Variants in E2F2 observed in about 807,000 individuals in gnomAD.
E2F2 encodes E2F transcription factor 2.
In E2F2, 22 loss-of-function variants were observed where a neutral mutation model predicts 42.2. The observed-to-expected ratio is 0.52, with a 90% CI of 0.37 to 0.74. The LOEUF (loss-of-function observed/expected upper bound fraction) is 0.74. Among genes scored for constraint, E2F2 ranks in the 30% least tolerant of loss-of-function variants. The pLI is 0.00. For synonymous variants in E2F2, 248 were observed against 251.6 expected, an observed-to-expected ratio of 0.99 and a Z score of 0.13; for missense variants, 481 against 557.8, an observed-to-expected ratio of 0.86 and a Z score of 1.39.
chr1:23,518,535 C>T (rs1643072085), intron 5 of E2F2, among the ~76,000 whole-genome samples: 1 of 151,968 alleles, frequency 6.6e-6, no homozygotes. Flanking sequence ...TAGGAATGAG[C>T]TTAGTGCAAT....
chr1:23,522,033 T>C lies in E2F2; in HGVS notation c.382A>G (p.Thr128Ala). 1 of 1,613,896 alleles carries C rather than the reference T, an allele frequency of 6.2e-7. No homozygotes were observed. Among genetic ancestry groups the C allele is most frequent in the Non-Finnish European group, 8.5e-7 (1 of 1,179,978 alleles). ...AGCCCCAGCGAAGTGTCATACCGAG[T>C]CTTCTCCCCGGGGGATTTGGGGGCT... ...PKTPKSPGEK[T>A]RYDTSLGLLT... is the part of the protein sequence containing the mutation. Residue 128 changes from threonine to alanine, a missense_variant, in exon 3 of 7, where the codon ACT becomes GCT. Transcript: ENST00000361729.
In E2F2 at chr1:23,520,896, C is replaced by G. The variant is rs773441665; in HGVS notation, c.737+17G>C. Reference sequence around the variant, plus strand: ...GGTTCCTGCTCCCTGACACCTTCCCCCAACCAAGGAGGATATCTCTTGTTG... The same window carrying G: ...GGTTCCTGCTCCCTGACACCTTCCCGCAACCAAGGAGGATATCTCTTGTTG... On this transcript the variant is annotated intron_variant, in intron 4 of 6. Transcript: ENST00000361729. 6.5e-7 allele frequency: 1 copy of G among 1,543,262 alleles called. No individual in the cohort carries two copies. The highest frequency in any genetic ancestry group is 1.2e-5 in the South Asian group (1 of 81,504).
At chr1:23,524,094 ACAACAACAAC>A (rs1643203994) in intron 2 of E2F2, among the ~76,000 whole-genome samples, 4 of 138,270 alleles carry the variant, frequency 2.9e-5, no homozygotes, top group African/African-American at 1.2e-4. Flanking sequence ...AACAACAACA[ACAACAACAAC>A]AAAAAAAAAC....
intron 2 of E2F2, among the ~76,000 whole-genome samples, chr1:23,524,095 C>CAAA (rs1424181672): frequency 1.1e-4 from 13 of 116,632 alleles, no homozygotes; most frequent in African/African-American, 4.8e-4. Flanking sequence ...ACAACAACAA[C>CAAA]AACAACAACA....
chr1:23,530,908 C>T lies in E2F2; in HGVS notation c.-115G>A, dbSNP rs551137897. 5.7e-4 allele frequency: 732 copies of T among 1,295,036 alleles called. No individual in the cohort carries two copies. Among genetic ancestry groups the T allele is most frequent in the Non-Finnish European group, 7.1e-4 (702 of 987,400 alleles). The allele number at this position is 1,295,036 out of a possible 1,614,324, so 80.2% of individuals were successfully genotyped here. A position where few individuals can be genotyped will look rare whatever the true frequency, so the allele number is the denominator to read the frequency against. On this transcript the variant is annotated 5_prime_UTR_variant, in exon 1 of 7. Transcript: ENST00000361729. The surrounding 1 kb of genome is among the most constrained non-coding windows in gnomAD (Gnocchi z 4.4). The stretch of plus-strand genomic sequence containing the variant: ...GCATGGCGCGGAGGCCGGGGGAAGC[C>T]GCCAATGGACGCCTGCGGGGCAAGG...
At position 23,530,653 on chromosome 1, in the gene E2F2, C is replaced by A. The variant is rs149841334; in HGVS notation, c.141G>T (p.Pro47=). 2.5e-6 allele frequency: 4 copies of A among 1,613,304 alleles called. No individual in the cohort carries two copies. In the Admixed American group the frequency reaches 5.0e-5, roughly 20 times the overall value. The change falls in exon 1 of 7, where the codon CCG becomes CCT. Residue 47 remains proline (P), a synonymous_variant. Coordinates refer to ENST00000361729, the MANE Select transcript of E2F2 (RefSeq NM_004091.4). This position sits in a 1 kb window ranked among gnomAD's most constrained non-coding sequence, Gnocchi z 4.4. ...CGGGAGGCGCCGTCTGCGGGTACAG[C>A]GGTGTGTAGTAGGTAGCAGTAGCTG... is the stretch of plus-strand genomic sequence containing the variant. ...LCPATATYYT[P]LYPQTAPPAA...
At chr1:23,516,180 A>G (rs1010109657) in intron 6 of E2F2, among the ~76,000 whole-genome samples, 155 bp downstream of exon 6, 1 of 152,192 alleles carries the variant, frequency 6.6e-6, no homozygotes, top group Non-Finnish European at 1.5e-5. Context: ...GTGAGGCTTT[A>G]TAAAGCATTA....
At chr1:23,521,789 C>G in intron 3 of E2F2, 48 bp downstream of exon 3, 2 of 1,604,688 alleles carry the variant, frequency 1.2e-6, no homozygotes, top group Non-Finnish European at 1.7e-6. Flanking sequence ...GCTCCGCCCA[C>G]AGCACAAGTA....
chr1:23,510,010 G>T lies in E2F2; in HGVS notation c.1184C>A (p.Ala395Glu). Residue 395 changes from alanine (A) to glutamate (E), a missense_variant, in exon 7 of 7, where the codon GCG becomes GAG. By Grantham distance (107) the Ala-to-Glu change is moderately radical (BLOSUM62 -1). Transcript: ENST00000361729. ...GAAGCTGATCAGAGGGGAGCTGCAC[G>T]CCAGGGTCGGGGACAGGAACTGGTC... ...TEDQFLSPTL[A>E]CSSPLISFSP... The T allele has an allele frequency of 6.2e-7, 1 of 1,613,708 alleles. No homozygotes were observed. Among genetic ancestry groups the T allele is most frequent in the Non-Finnish European group, 8.5e-7 (1 of 1,179,916 alleles).
At chr1:23,512,554 T>C (rs999117385) in intron 6 of E2F2, among the ~76,000 whole-genome samples, 19 of 152,268 alleles carry the variant, frequency 1.2e-4, no homozygotes, top group Middle Eastern at 3.4e-3. Context: ...CTCTAGCGCC[T>C]CCTCTCACCA....
chr1:23,530,521 G>A lies in E2F2; in HGVS notation c.252+21C>T, dbSNP rs1643320394. The A allele has an allele frequency of 6.2e-7, 1 of 1,610,118 alleles. No homozygotes were observed. Among genetic ancestry groups the A allele is most frequent in the Non-Finnish European group, 8.5e-7 (1 of 1,178,460 alleles). On this transcript the variant is annotated intron_variant, in intron 1 of 6. Coordinates refer to ENST00000361729, the MANE Select transcript of E2F2 (RefSeq NM_004091.4). This position sits in a 1 kb window ranked among gnomAD's most constrained non-coding sequence, Gnocchi z 4.4. The stretch of plus-strand genomic sequence containing the variant: ...CACCTGGAAAAGCATAGGGGGAAGC[G>A]GTGGGGGCCCCCAGCATTACCGGCA...
In E2F2 at chr1:23,529,274, C is replaced by G. The variant is rs140700759; in HGVS notation, c.252+1268G>C. Reference sequence around the variant, plus strand: ...TCCCAGTTATCCTCGGTTGCTTAACCTGTAAAATGGGGATAATACCATTCC... The same window carrying G: ...TCCCAGTTATCCTCGGTTGCTTAACGTGTAAAATGGGGATAATACCATTCC... On this transcript the variant is annotated intron_variant, in intron 1 of 6. Transcript: ENST00000361729. Among the ~76,000 whole-genome samples, 825 of 152,330 alleles carry G rather than the reference C, an allele frequency of 5.4e-3. 8 individuals are homozygous for G. Among genetic ancestry groups the G allele is most frequent in the African/African-American group, 0.016 (680 of 41,560 alleles).
Position 23,519,061 on chromosome 1 carries a change from G to A in E2F2, c.807C>T (p.Val269=). ...GNFKEQTVIA[V]KAPPQTRLEV... is the part of the protein sequence containing the mutation. ...CCAGTCTCGTCTGCGGAGGGGCCTT[G>A]ACGGCAATCACTGTCTGCTCCTTAA... Residue 269 remains valine (V), a synonymous_variant, in exon 5 of 7, where the codon GTC becomes GTT. Transcript: ENST00000361729. The A allele has an allele frequency of 6.2e-7, 1 of 1,613,990 alleles. No individual in the cohort carries two copies. Among genetic ancestry groups the A allele is most frequent in the Non-Finnish European group, 8.5e-7 (1 of 1,179,928 alleles).
Position 23,521,063 on chromosome 1 carries a change from C to A in E2F2, c.587G>T (p.Gly196Val). The A allele has an allele frequency of 6.2e-7, 1 of 1,610,484 alleles. No individual in the cohort carries two copies. Among genetic ancestry groups the A allele is most frequent in the Non-Finnish European group, 8.5e-7 (1 of 1,178,374 alleles). ...AKNNIQWVGR[G>V]MFEDPTRPGK... Reference sequence around the variant, plus strand: ...AGGTCTGGTGGGGTCTTCAAACATTCCCCTGCCTCTGGGAACAGAGCAGCC... The same window carrying A: ...AGGTCTGGTGGGGTCTTCAAACATTACCCTGCCTCTGGGAACAGAGCAGCC... The change falls in exon 4 of 7, where the codon GGA becomes GTA. Residue 196 changes from glycine (G) to valine (V), a missense_variant. Transcript: ENST00000361729.
chr1:23,519,827 T>C (rs956271061), intron 4 of E2F2, among the ~76,000 whole-genome samples: 3 of 151,980 alleles, frequency 2.0e-5, no homozygotes, highest in Non-Finnish European at 2.9e-5. Flanking sequence ...CCTGTAACCC[T>C]AGCACTTACG....
intron 3 of E2F2, chr1:23,521,593 T>G: frequency 1.0e-6 from 1 of 984,278 alleles, no homozygotes; most frequent in African/African-American, 1.8e-5. Flanking sequence ...CATTCTCCAC[T>G]CTGCCCCGCA....
intron 4 of E2F2, among the ~76,000 whole-genome samples, chr1:23,519,633 T>C (rs897777947): frequency 9.8e-5 from 15 of 152,346 alleles, no homozygotes; most frequent in Admixed American, 3.3e-4. Flanking sequence ...AAGCATTCTA[T>C]GTATAAAGAT....
intron 1 of E2F2, among the ~76,000 whole-genome samples, chr1:23,526,940 C>T (rs140588084): frequency 8.9e-4 from 136 of 152,264 alleles, no homozygotes; most frequent in East Asian, 3.5e-3. Context: ...GGTCCCAATG[C>T]GGCAAGTGTC....
In E2F2 at chr1:23,524,458, C is replaced by A. The variant is rs566662712; in HGVS notation, c.283G>T (p.Gly95Trp). 1.2e-6 allele frequency: 2 copies of A among 1,613,784 alleles called. No homozygotes were observed. Among genetic ancestry groups the A allele is most frequent in the East Asian group, 2.2e-5 (1 of 44,834 alleles). ...AKRKLDLEGIGRPVVPEFPTP... is the reference protein window; with the variant it reads ...AKRKLDLEGIWRPVVPEFPTP... The stretch of plus-strand genomic sequence containing the variant: ...GGGAACTCAGGGACGACGGGCCTCC[C>A]AATCCCCTCCAGATCCAGCTTCCTT... Residue 95 changes from glycine (G) to tryptophan (W), a missense_variant, in exon 2 of 7, where the codon GGG (glycine) becomes TGG (tryptophan). Gly to Trp is a radical substitution (Grantham distance 184, BLOSUM62 -2). Coordinates refer to ENST00000361729, the MANE Select transcript of E2F2 (RefSeq NM_004091.4).
Sources: allele counts gnomAD v4.1 joint callset (sites outside exome capture counted in the v4.1 genomes callset), GRCh38; gene constraint gnomAD v4.1.1; non-coding constraint Gnocchi (gnomAD v3.1); transcripts MANE v1.5; gene names NCBI Gene and HGNC (gene_info 2026-07-23, HGNC 2026-07-21).